The following MGMT variants were observed in gnomAD, a reference collection of about 807,000 sequenced individuals.
MGMT encodes the protein O-6-methylguanine-DNA methyltransferase.
Under a neutral mutation model 15.9 loss-of-function variants are expected in MGMT, and 14 were observed. The observed-to-expected ratio is 0.88, with a 90% CI of 0.58 to 1.37. The LOEUF is 1.37. MGMT is among the 40% of genes most tolerant of loss of function. MGMT has a pLI of 0.00. For synonymous variants in MGMT, 130 were observed against 118.2 expected (o/e 1.10, Z -0.65); for missense variants, 282 against 268.1 (o/e 1.05, Z -0.36).
At chr10:129,610,930 A>G (rs117492478) in intron 2 of MGMT, among the ~76,000 whole-genome samples, 4,598 of 152,360 alleles carry the variant, frequency 0.03, 108 homozygotes, top group Non-Finnish European at 0.048. Flanking sequence ...CTCGTGAGAT[A>G]CTTGAATGAA....
chr10:129,597,115 A>G (rs1846760241), intron 2 of MGMT, among the ~76,000 whole-genome samples: 1 of 152,198 alleles, frequency 6.6e-6, no homozygotes, highest in Admixed American at 6.5e-5. Flanking sequence ...TTCTTTTGTG[A>G]GCAGCAGAGC....
At chr10:129,709,686 A>G (rs1821292373) in intron 3 of MGMT, among the ~76,000 whole-genome samples, 1 of 152,214 alleles carries the variant, frequency 6.6e-6, no homozygotes, top group Non-Finnish European at 1.5e-5. Context: ...AAGTTTACCT[A>G]AGGTTTGTTG....
intron 2 of MGMT, among the ~76,000 whole-genome samples, chr10:129,540,258 A>G (rs1163760499): frequency 6.6e-6 from 1 of 152,208 alleles, no homozygotes; most frequent in Non-Finnish European, 1.5e-5. Flanking sequence ...GACTTAATTC[A>G]TGTATTTTTT....
intron 2 of MGMT, among the ~76,000 whole-genome samples, chr10:129,699,612 C>A (rs1472735762): frequency 6.6e-6 from 1 of 152,042 alleles, no homozygotes. Context: ...ACATAGGATT[C>A]ATTTTGGGAT....
chr10:129,550,266 G>A (rs769002325), intron 2 of MGMT, among the ~76,000 whole-genome samples: 14 of 150,984 alleles, frequency 9.3e-5, no homozygotes, highest in Non-Finnish European at 1.5e-4. Context: ...ACAGTGTTCC[G>A]CAGCCATCAC....
intron 1 of MGMT, among the ~76,000 whole-genome samples, chr10:129,512,679 G>A (rs746482582): frequency 1.7e-4 from 26 of 152,206 alleles, no homozygotes; most frequent in African/African-American, 4.6e-4. Context: ...TTAGCGATGC[G>A]TGAAGCAGTT....
chr10:129,685,880 T>G (rs982789370), intron 2 of MGMT, among the ~76,000 whole-genome samples: 2 of 152,210 alleles, frequency 1.3e-5, no homozygotes, highest in African/African-American at 4.8e-5. Flanking sequence ...AAGAAACGTT[T>G]CTATTTATAT....
At chr10:129,736,838 T>C (rs1420632171) in intron 3 of MGMT, among the ~76,000 whole-genome samples, 2 of 152,186 alleles carry the variant, frequency 1.3e-5, no homozygotes, top group African/African-American at 2.4e-5. Context: ...TGGCTGGATA[T>C]GAAATTCTGG....
Position 129,482,527 on chromosome 10 carries a change from T to A in MGMT, c.-13+15231T>A, listed in dbSNP as rs571851447. ...GACATCTCCAGCTATGATTGGAGAC[T>A]TATTACCCCTTTCAGTTCTGTTGGT... On this transcript the variant is annotated intron_variant, in intron 1 of 4. Transcript: ENST00000651593. Among the ~76,000 whole-genome samples the A allele has an allele frequency of 2.6e-5, 4 of 152,328 alleles. No individual in the cohort carries two copies. The East Asian group carries it at 5.8e-4, about 22-fold the overall frequency.
intron 3 of MGMT, among the ~76,000 whole-genome samples, chr10:129,737,515 C>T (rs569271293): frequency 7.9e-5 from 12 of 152,260 alleles, no homozygotes; most frequent in African/African-American, 7.2e-5. Context: ...TCCCGTAGCT[C>T]GGAGTAATTT....
rs539229778 is a variant in MGMT, at chr10:129,611,432, AG to A, written c.125+75060del. Among the ~76,000 whole-genome samples, 8 of 152,300 alleles carry A rather than the reference AG, an allele frequency of 5.3e-5. No individual in the cohort carries two copies. In the East Asian group the frequency reaches 1.5e-3, roughly 29 times the overall value. ...CTCACTCACTATCATGAGAATAGCA[AG>A]GGGGAAATCTGCCCCTGTGATCCAG... is the stretch of plus-strand genomic sequence containing the variant. On this transcript the variant is annotated intron_variant, in intron 2 of 4. Coordinates refer to ENST00000651593, the MANE Select transcript of MGMT (RefSeq NM_002412.5).
chr10:129,649,806 A>G lies in MGMT; in HGVS notation c.126-58089A>G, dbSNP rs948690098. ...TACAAGATAGCAAAAGTTACCCAGG[A>G]AAGATGTTAAGTGACATGCTGTCTT... On this transcript the variant is annotated intron_variant, in intron 2 of 4. Coordinates refer to ENST00000651593, the MANE Select transcript of MGMT (RefSeq NM_002412.5). Among the ~76,000 whole-genome samples, 11 of 152,242 alleles carry G rather than the reference A, an allele frequency of 7.2e-5. 1 individual carries two copies. Among genetic ancestry groups the G allele is most frequent in the Non-Finnish European group, 1.3e-4 (9 of 68,046 alleles).
intron 2 of MGMT, among the ~76,000 whole-genome samples, chr10:129,639,677 G>A (rs181018347): frequency 2.2e-4 from 34 of 152,180 alleles, no homozygotes; most frequent in Non-Finnish European, 3.4e-4. Flanking sequence ...TGTGGGTTGC[G>A]GCTAAAAGTG....
At chr10:129,738,666 A>G (rs990633086) in intron 3 of MGMT, among the ~76,000 whole-genome samples, 1 of 152,192 alleles carries the variant, frequency 6.6e-6, no homozygotes, top group Non-Finnish European at 1.5e-5. Context: ...GCCGCAGTAA[A>G]CATACATGTG....
At chr10:129,595,548 G>T (rs1195355218) in intron 2 of MGMT, among the ~76,000 whole-genome samples, 2 of 152,056 alleles carry the variant, frequency 1.3e-5, no homozygotes, top group Admixed American at 6.5e-5. Context: ...TCTTCGGGGG[G>T]GTCTGACACT....
intron 1 of MGMT, among the ~76,000 whole-genome samples, chr10:129,517,257 C>T (rs1845748902): frequency 6.6e-6 from 1 of 152,214 alleles, no homozygotes; most frequent in African/African-American, 2.4e-5. Flanking sequence ...CCTCTTTGGC[C>T]AGAGGGCACG....
At position 129,660,794 on chromosome 10, in the gene MGMT, A is replaced by G. The variant is rs555160958; in HGVS notation, c.126-47101A>G. 5.1e-3 allele frequency among the ~76,000 whole-genome samples: 782 copies of G among 152,012 alleles called. 5 individuals carry two copies. Among genetic ancestry groups the G allele is most frequent in the African/African-American group, 0.018 (743 of 41,424 alleles). ...ACCCCCAACACACACACACACACAC[A>G]CACACGCACACACATGCACAGTTTG... is the stretch of plus-strand genomic sequence containing the variant. On this transcript the variant is annotated intron_variant, in intron 2 of 4. Coordinates refer to ENST00000651593, the MANE Select transcript of MGMT (RefSeq NM_002412.5).
At chr10:129,720,914 C>T (rs572795440) in intron 3 of MGMT, among the ~76,000 whole-genome samples, 1 of 150,592 alleles carries the variant, frequency 6.6e-6, no homozygotes, top group African/African-American at 2.4e-5. Context: ...CCTCTTCCCT[C>T]TTCTGTTGTA....
intron 2 of MGMT, among the ~76,000 whole-genome samples, chr10:129,605,973 C>CTG (rs1846884954): frequency 6.6e-6 from 1 of 152,024 alleles, no homozygotes; most frequent in South Asian, 2.1e-4. Flanking sequence ...CCATTTGGCA[C>CTG]TAAACAAGGA....
Sources: allele counts gnomAD v4.1 joint callset (sites outside exome capture counted in the v4.1 genomes callset), GRCh38; gene constraint gnomAD v4.1.1; transcripts MANE v1.5; gene names NCBI Gene and HGNC (gene_info 2026-07-23, HGNC 2026-07-21).